Variants in PCDH11Y observed in about 807,000 individuals in gnomAD.
PCDH11Y encodes protocadherin-11 Y-linked.
For synonymous variants in PCDH11Y, 9 were observed against 83.6 expected (o/e 0.11, Z 4.87); for missense variants, 12 against 224.8 (o/e 0.05, Z 6.05).
At chrY:5,080,518 C>A in intron 1 of PCDH11Y, among the ~76,000 whole-genome samples, 1 of 31,991 alleles carries the variant, frequency 3.1e-5, no homozygotes, top group African/African-American at 1.2e-4. Flanking sequence ...TCTATTTCTC[C>A]ACAGCCTGGC....
At chrY:5,729,431 T>C (rs2053601438) in intron 4 of PCDH11Y, among the ~76,000 whole-genome samples, 6 of 31,411 alleles carry the variant, frequency 1.9e-4, no homozygotes, top group Non-Finnish European at 3.9e-4. Context: ...TTTTGAGAAG[T>C]GTCTGTTTAT....
intron 3 of PCDH11Y, among the ~76,000 whole-genome samples, chrY:5,552,621 A>C (rs2053419576): frequency 3.0e-5 from 1 of 33,215 alleles, no homozygotes; most frequent in Admixed American, 2.8e-4. Flanking sequence ...GTCAGCTTGC[A>C]TATAGTACTA....
chrY:5,566,790 T>C (rs2053435580), intron 3 of PCDH11Y, among the ~76,000 whole-genome samples: 4 of 32,879 alleles, frequency 1.2e-4, no homozygotes, highest in Non-Finnish European at 3.0e-4. Context: ...ATAGCAAATA[T>C]TGTAGTCGTG....
intron 2 of PCDH11Y, among the ~76,000 whole-genome samples, chrY:5,301,047 G>A (rs2053081275): frequency 2.9e-5 from 1 of 34,001 alleles, no homozygotes; most frequent in African/African-American, 1.1e-4. Context: ...GTCTGTGATC[G>A]ATTAAATAGT....
exon 1 of PCDH11Y, chrY:5,056,389 C>A: frequency 1.3e-5 from 3 of 233,902 alleles, no homozygotes; most frequent in Non-Finnish European, 1.6e-5. Context: ...CTCCTTTTAT[C>A]CAGATCAATT....
At chrY:5,664,297 T>C in intron 4 of PCDH11Y, among the ~76,000 whole-genome samples, 3 of 33,047 alleles carry the variant, frequency 9.1e-5, no homozygotes, top group African/African-American at 3.6e-4. Context: ...CATGCTTCCA[T>C]GTGGAGGCCT....
chrY:5,703,830 G>GCA (rs2053580176), intron 4 of PCDH11Y, among the ~76,000 whole-genome samples: 1 of 28,174 alleles, frequency 3.5e-5, no homozygotes, highest in African/African-American at 1.3e-4. Context: ...TTTAAGGCCA[G>GCA]CATTATTCTC....
intron 1 of PCDH11Y, among the ~76,000 whole-genome samples, chrY:5,069,598 T>G: frequency 3.5e-4 from 11 of 31,851 alleles, no homozygotes; most frequent in Non-Finnish European, 7.6e-4. Flanking sequence ...GAGTGGTTTT[T>G]GTAAGAGAGG....
intron 2 of PCDH11Y, among the ~76,000 whole-genome samples, chrY:5,277,668 T>C (rs2053045935): frequency 1.5e-4 from 5 of 33,795 alleles, no homozygotes; most frequent in Non-Finnish European, 3.7e-4. Context: ...TAATTATTAG[T>C]ACTATTCATG....
chrY:5,308,698 C>T (rs2053093058), intron 2 of PCDH11Y, among the ~76,000 whole-genome samples: 1 of 33,554 alleles, frequency 3.0e-5, no homozygotes, highest in Non-Finnish European at 7.4e-5. Context: ...CAAGAAGCTA[C>T]CAACTGAATA....
chrY:5,407,981 C>T, intron 2 of PCDH11Y, among the ~76,000 whole-genome samples: 2 of 29,667 alleles, frequency 6.7e-5, no homozygotes, highest in Non-Finnish European at 1.6e-4. Flanking sequence ...TATTTTGGCA[C>T]GCAGAAGCAC....
chrY:5,192,074 A>G, intron 2 of PCDH11Y, among the ~76,000 whole-genome samples: 7 of 32,358 alleles, frequency 2.2e-4, no homozygotes, highest in Non-Finnish European at 4.5e-4. Context: ...CTCAAACCCT[A>G]TTGTGAACTG....
chrY:5,617,374 CAATT>C (rs2053494676), intron 4 of PCDH11Y, among the ~76,000 whole-genome samples: 4 of 33,440 alleles, frequency 1.2e-4, no homozygotes, highest in Admixed American at 2.8e-4. Context: ...CAGATATCCA[CAATT>C]AATCATACCC....
At chrY:5,282,294 T>C (rs2053054956) in intron 2 of PCDH11Y, among the ~76,000 whole-genome samples, 1 of 29,780 alleles carries the variant, frequency 3.4e-5, no homozygotes, top group Non-Finnish European at 8.2e-5. Flanking sequence ...TTACACAGGA[T>C]GACTCATTTT....
intron 4 of PCDH11Y, among the ~76,000 whole-genome samples, chrY:5,710,593 G>A: frequency 3.0e-5 from 1 of 33,073 alleles, no homozygotes; most frequent in Non-Finnish European, 7.4e-5. Flanking sequence ...AAGCCAGCCC[G>A]GCAGGTTCGT....
intron 4 of PCDH11Y, among the ~76,000 whole-genome samples, chrY:5,722,673 GA>G (rs2053595823): frequency 7.4e-5 from 2 of 27,064 alleles, no homozygotes; most frequent in African/African-American, 1.4e-4. Context: ...AGAGTCGTAA[GA>G]AAAAAAAAAG....
chrY:5,130,023 A>G (rs2052831749), intron 2 of PCDH11Y, among the ~76,000 whole-genome samples: 1 of 33,583 alleles, frequency 3.0e-5, no homozygotes, highest in South Asian at 6.8e-4. Flanking sequence ...CCTGCAAAGA[A>G]CATGATCTTG....
chrY:5,587,364 A>G, intron 4 of PCDH11Y, among the ~76,000 whole-genome samples: 1 of 33,025 alleles, frequency 3.0e-5, no homozygotes, highest in Non-Finnish European at 7.5e-5. Context: ...TTCCTTGAGA[A>G]TGATCTCTTT....
intron 4 of PCDH11Y, among the ~76,000 whole-genome samples, chrY:5,721,460 G>A: frequency 5.8e-5 from 2 of 34,351 alleles, no homozygotes; most frequent in Non-Finnish European, 1.5e-4. Flanking sequence ...ACATCCAAAT[G>A]TTGCCTTAAA....
Sources: allele counts gnomAD v4.1 joint callset (sites outside exome capture counted in the v4.1 genomes callset), GRCh38; gene constraint gnomAD v4.1.1; transcripts MANE v1.5; gene names NCBI Gene and HGNC (gene_info 2026-07-23, HGNC 2026-07-21).